Variants in MRAP2 observed in about 807,000 individuals in gnomAD.
MRAP2 encodes the protein melanocortin 2 receptor accessory protein 2.
In MRAP2, 20 loss-of-function variants were observed where a neutral mutation model predicts 17.4. That is an observed-to-expected ratio of 1.15 (90% CI 0.81 to 1.67). The LOEUF (loss-of-function observed/expected upper bound fraction) is 1.67, where lower values mean the gene tolerates loss of function less well. Ranked by LOEUF, MRAP2 falls within the 40% of genes most tolerant of loss-of-function variation. The probability of loss-of-function intolerance (pLI) is 0.00; values close to 1 mark genes in which losing one functional copy is unlikely to be tolerated. For missense variants in MRAP2, 238 were observed against 240.0 expected (o/e 0.99, Z 0.05); for synonymous variants, 96 against 88.4 (o/e 1.09, Z -0.48).
chr6:84,058,422 C>T (rs540284227), intron 2 of MRAP2, among the ~76,000 whole-genome samples: 46 of 152,178 alleles, frequency 3.0e-4, no homozygotes, highest in Non-Finnish European at 4.7e-4. Context: ...GAGTAACTGG[C>T]AGGATGGAAT....
the MRAP2 span, among the ~76,000 whole-genome samples, chr6:84,103,414 CAG>C: frequency 3.3e-5 from 5 of 151,344 alleles, no homozygotes; most frequent in African/African-American, 9.8e-5. Context: ...GATTCCAAAT[CAG>C]GGGGTGAGCA....
chr6:84,071,022 G>T (rs1413355235), intron 3 of MRAP2, among the ~76,000 whole-genome samples: 9 of 152,026 alleles, frequency 5.9e-5, no homozygotes, highest in African/African-American at 1.7e-4. Context: ...CCATTCTGTG[G>T]TTCTGTATTT....
the MRAP2 span, among the ~76,000 whole-genome samples, chr6:84,129,481 C>G: frequency 3.9e-5 from 6 of 152,164 alleles, no homozygotes; most frequent in Non-Finnish European, 7.3e-5. Flanking sequence ...GCATAAATGT[C>G]TTCTTTTGAA....
At chr6:84,080,883 G>A (rs1208508861) in intron 3 of MRAP2, among the ~76,000 whole-genome samples, 2 of 152,190 alleles carry the variant, frequency 1.3e-5, no homozygotes, top group Non-Finnish European at 2.9e-5. Context: ...GAGACTTGTT[G>A]TAACTATGTG....
chr6:84,064,782 G>C (rs77056508), intron 3 of MRAP2, among the ~76,000 whole-genome samples: 3,212 of 152,044 alleles, frequency 0.021, 82 homozygotes, highest in African/African-American at 0.061. Flanking sequence ...CCACCGCGCC[G>C]GGCCGAATCC....
At chr6:84,071,979 T>C (rs1052856979) in intron 3 of MRAP2, among the ~76,000 whole-genome samples, 5 of 152,206 alleles carry the variant, frequency 3.3e-5, no homozygotes, top group African/African-American at 9.7e-5. Flanking sequence ...TCTTTACTTC[T>C]TGTATAGTTT....
intron 1 of MRAP2, among the ~76,000 whole-genome samples, chr6:84,045,456 C>G (rs1427067799): frequency 6.6e-6 from 1 of 151,540 alleles, no homozygotes; most frequent in African/African-American, 2.4e-5. Context: ...AATGAAGAAG[C>G]CTGAAAAAAA....
intron 3 of MRAP2, among the ~76,000 whole-genome samples, chr6:84,070,369 C>T (rs1308414836): frequency 2.6e-5 from 4 of 152,130 alleles, no homozygotes; most frequent in Non-Finnish European, 5.9e-5. Flanking sequence ...CATTCAAGAG[C>T]AGGTGATTTA....
At chr6:84,054,135 T>C (rs1317455571) in intron 1 of MRAP2, among the ~76,000 whole-genome samples, 1 of 152,164 alleles carries the variant, frequency 6.6e-6, no homozygotes, top group Non-Finnish European at 1.5e-5. Context: ...AGTGAATCTT[T>C]GTTACCGCTG....
intron 3 of MRAP2, among the ~76,000 whole-genome samples, chr6:84,078,535 A>G (rs1562888694): frequency 6.6e-6 from 1 of 152,142 alleles, no homozygotes; most frequent in African/African-American, 2.4e-5. Context: ...TGCCCCCACC[A>G]AAGCTCATGT....
At chr6:84,080,004 C>A (rs141576904) in intron 3 of MRAP2, among the ~76,000 whole-genome samples, 1 of 150,744 alleles carries the variant, frequency 6.6e-6, no homozygotes, top group South Asian at 2.1e-4. Flanking sequence ...ATAACCTTCC[C>A]CAGCTCTATT....
chr6:84,044,692 G>A (rs562069226), intron 1 of MRAP2, among the ~76,000 whole-genome samples: 9 of 152,284 alleles, frequency 5.9e-5, no homozygotes, highest in Middle Eastern at 6.8e-3. Context: ...ATGAATGAGG[G>A]CCTCATTTTA....
At chr6:84,122,696 G>A in the MRAP2 span, among the ~76,000 whole-genome samples, 2 of 152,032 alleles carry the variant, frequency 1.3e-5, no homozygotes, top group East Asian at 1.9e-4. Context: ...CTCTCACCAC[G>A]TCTATTCAAT....
chr6:84,118,586 A>G, the MRAP2 span, among the ~76,000 whole-genome samples: 1 of 152,174 alleles, frequency 6.6e-6, no homozygotes, highest in African/African-American at 2.4e-5. Flanking sequence ...TGGACTTTCT[A>G]AAGCCTGCAG....
rs2099500480 is a variant in MRAP2, at chr6:84,086,457, G to A, written c.228-2634G>A. On this transcript the variant is annotated intron_variant, in intron 3 of 3. Transcript: ENST00000257776. ...GGCCTTCCCCAGCTCTATTCATCAG[G>A]ATATTTTTTAATAACATTAAGTGAC... 5.9e-5 allele frequency among the ~76,000 whole-genome samples: 9 copies of A among 152,232 alleles called. No individual in the cohort carries two copies. In the South Asian group the frequency reaches 1.9e-3, roughly 32 times the overall value.
At chr6:84,110,973 T>C in the MRAP2 span, among the ~76,000 whole-genome samples, 1 of 152,224 alleles carries the variant, frequency 6.6e-6, no homozygotes, top group East Asian at 1.9e-4. Flanking sequence ...TCTGTTTTGG[T>C]ACCAGTAGTA....
the MRAP2 span, among the ~76,000 whole-genome samples, chr6:84,141,923 T>C: frequency 6.6e-6 from 1 of 152,184 alleles, no homozygotes; most frequent in Admixed American, 6.5e-5. Flanking sequence ...TCTTTCATAA[T>C]AGGCAAATAT....
the MRAP2 span, among the ~76,000 whole-genome samples, chr6:84,144,307 G>A: frequency 6.6e-6 from 1 of 151,984 alleles, no homozygotes; most frequent in African/African-American, 2.4e-5. Context: ...AAATGTTCCA[G>A]AAGTTGTATA....
the MRAP2 span, among the ~76,000 whole-genome samples, chr6:84,106,711 G>A: frequency 6.3e-3 from 953 of 152,254 alleles, 4 homozygotes; most frequent in African/African-American, 0.022. Context: ...GAGTAGGAAC[G>A]ATGGGCATTT....
Sources: allele counts gnomAD v4.1 joint callset (sites outside exome capture counted in the v4.1 genomes callset), GRCh38; gene constraint gnomAD v4.1.1; transcripts MANE v1.5; gene names NCBI Gene and HGNC (gene_info 2026-07-23, HGNC 2026-07-21).